Variants in ZNF536 observed in about 807,000 individuals in gnomAD.
ZNF536 encodes zinc finger protein 536.
ZNF536 carries 13 observed loss-of-function variants against 84.5 expected under a neutral mutation model. That is an observed-to-expected ratio of 0.15 (90% CI 0.10 to 0.24). The LOEUF (loss-of-function observed/expected upper bound fraction) is 0.24. ZNF536 is among the 10% of genes least tolerant of loss of function. The pLI is 1.00. For missense variants in ZNF536, 1,536 were observed against 1,747.5 expected, an observed-to-expected ratio of 0.88 and a Z score of 2.16; for synonymous variants, 811 against 742.5, an observed-to-expected ratio of 1.09 and a Z score of -1.50.
chr19:30,225,802 G>T (rs1481671664), upstream of ZNF536, among the ~76,000 whole-genome samples: 1 of 151,082 alleles, frequency 6.6e-6, no homozygotes, highest in Non-Finnish European at 1.5e-5. Context: ...TGGACTCTTG[G>T]CGCGGCCCCC....
chr19:30,446,242 C>T (rs2052329300), intron 2 of ZNF536, among the ~76,000 whole-genome samples: 1 of 33,342 alleles, frequency 3.0e-5, no homozygotes, highest in Non-Finnish European at 5.8e-5. Context: ...GAGTGAGACA[C>T]TGTCTCAAAA....
intron 1 of ZNF536, among the ~76,000 whole-genome samples, chr19:30,433,859 G>A (rs980413490): frequency 2.0e-5 from 3 of 152,160 alleles, no homozygotes; most frequent in African/African-American, 7.2e-5. Flanking sequence ...CTCTCAGCAT[G>A]TCCTCTGCTA....
chr19:30,637,357 G>A (rs2147296467), intron 1 of ZNF536, among the ~76,000 whole-genome samples: 1 of 152,300 alleles, frequency 6.6e-6, no homozygotes, highest in East Asian at 1.9e-4. Context: ...TCCATCAACT[G>A]GGATTGAAGT....
intron 2 of ZNF536, among the ~76,000 whole-genome samples, chr19:30,297,912 C>G (rs567987048): frequency 0.013 from 1,953 of 147,230 alleles, 62 homozygotes; most frequent in African/African-American, 0.036. Flanking sequence ...GTCCCCCCCC[C>G]CTCTGTCGCC....
intron 2 of ZNF536, among the ~76,000 whole-genome samples, chr19:30,490,704 A>G (rs1413812453): frequency 6.6e-6 from 1 of 152,176 alleles, no homozygotes; most frequent in African/African-American, 2.4e-5. Flanking sequence ...GGGCACCCCA[A>G]GATGATGATG....
chr19:30,311,375 C>T lies in ZNF536; in HGVS notation c.-120+27234C>T, dbSNP rs534734154. ...TATGAAGCTGTAGCATTAAGTGTGG[C>T]GAAGTAGAAGAAAGTTCTGAGATTT... On this transcript the variant is annotated intron_variant, in intron 2 of 5. Coordinates refer to the ZNF536 transcript ENST00000585628. Among the ~76,000 whole-genome samples the T allele has an allele frequency of 2.6e-5, 4 of 152,232 alleles. No individual in the cohort carries two copies. In the South Asian group the frequency reaches 6.2e-4, roughly 24 times the overall value.
chr19:30,501,479 G>T (rs1296575430), intron 2 of ZNF536, among the ~76,000 whole-genome samples: 1 of 152,132 alleles, frequency 6.6e-6, no homozygotes, highest in Non-Finnish European at 1.5e-5. Context: ...AGCTTTTCTG[G>T]CATGGTGGGT....
intron 2 of ZNF536, among the ~76,000 whole-genome samples, chr19:30,466,584 A>AAGAGAGAGAGAGAGAGAG (rs372587955): frequency 6.9e-4 from 99 of 144,462 alleles, no homozygotes; most frequent in Admixed American, 5.7e-3. Flanking sequence ...GAAAGAAAGA[A>AAGAGAGAGAGAGAGAGAG]AGAGAGAGAG....
chr19:30,619,138 A>G (rs2048397405), intron 1 of ZNF536, among the ~76,000 whole-genome samples: 1 of 151,830 alleles, frequency 6.6e-6, no homozygotes, highest in Non-Finnish European at 1.5e-5. Context: ...GACTTTTCAA[A>G]TACTCTTTTT....
intron 3 of ZNF536, among the ~76,000 whole-genome samples, chr19:30,535,975 C>G (rs923204534): frequency 2.0e-5 from 3 of 152,102 alleles, no homozygotes; most frequent in African/African-American, 4.8e-5. Flanking sequence ...TCACCTGGTC[C>G]CCACAAATCT....
intron 1 of ZNF536, among the ~76,000 whole-genome samples, chr19:30,697,582 A>G (rs2147959819): frequency 6.6e-6 from 1 of 152,350 alleles, no homozygotes; most frequent in Admixed American, 6.5e-5. Context: ...TTTACCGATG[A>G]GAAAACTGAG....
intron 1 of ZNF536, among the ~76,000 whole-genome samples, chr19:30,603,951 G>A (rs558967548): frequency 2.0e-5 from 3 of 152,280 alleles, no homozygotes; most frequent in South Asian, 2.1e-4. Context: ...TTAGCCAGGC[G>A]TGGTGGCACA....
At chr19:30,348,814 C>CTTTTTTTTT (rs5827705) in intron 2 of ZNF536, among the ~76,000 whole-genome samples, 2 of 132,666 alleles carry the variant, frequency 1.5e-5, no homozygotes, top group African/African-American at 2.7e-5. Context: ...TTTTTCTTTT[C>CTTTTTTTTT]TTTTTTTTTT....
chr19:30,580,078 T>C (rs1238771422), intron 1 of ZNF536, among the ~76,000 whole-genome samples: 2 of 152,208 alleles, frequency 1.3e-5, no homozygotes, highest in East Asian at 3.9e-4. Context: ...CACCCCTTGC[T>C]GGCTCCCTCC....
chr19:30,501,397 A>G (rs1394391969), intron 2 of ZNF536, among the ~76,000 whole-genome samples: 1 of 152,188 alleles, frequency 6.6e-6, no homozygotes, highest in East Asian at 1.9e-4. Context: ...CATGCTCTGA[A>G]CCACTACACA....
chr19:30,703,255 G>A (rs943393556), intron 1 of ZNF536, among the ~76,000 whole-genome samples: 1 of 152,334 alleles, frequency 6.6e-6, no homozygotes, highest in South Asian at 2.1e-4. Flanking sequence ...CCAGAGTGCA[G>A]CAAACTATGC....
intron 2 of ZNF536, among the ~76,000 whole-genome samples, chr19:30,331,572 T>C (rs2047213242): frequency 6.6e-6 from 1 of 152,100 alleles, no homozygotes; most frequent in Admixed American, 6.5e-5. Context: ...ACCAAGAATG[T>C]CAAGGTCATG....
intron 3 of ZNF536, 48 bp from the exon 4 acceptor site, chr19:30,547,895 C>T (rs756760506): frequency 2.3e-5 from 35 of 1,508,778 alleles, no homozygotes; most frequent in Non-Finnish European, 2.8e-5. Flanking sequence ...TTCAGCACAC[C>T]AAAATGAGAT....
chr19:30,627,071 T>C (rs1352157510), intron 1 of ZNF536, among the ~76,000 whole-genome samples: 3 of 152,126 alleles, frequency 2.0e-5, no homozygotes, highest in Non-Finnish European at 4.4e-5. Context: ...CAGGGCTCCT[T>C]CCTGAGCCTG....
Sources: allele counts gnomAD v4.1 joint callset (sites outside exome capture counted in the v4.1 genomes callset), GRCh38; gene constraint gnomAD v4.1.1; transcripts MANE v1.5; gene names NCBI Gene and HGNC (gene_info 2026-07-23, HGNC 2026-07-21).